The following DNMBP variants were observed in gnomAD, a reference collection of about 807,000 sequenced individuals.
The protein encoded by DNMBP is dynamin-binding protein.
Under a neutral mutation model 150.0 loss-of-function variants are expected in DNMBP, and 87 were observed. That is an observed-to-expected ratio of 0.58 (90% CI 0.49 to 0.69). DNMBP has a LOEUF of 0.69. Among genes scored for constraint, DNMBP ranks in the 30% least tolerant of loss-of-function variants. The pLI, the probability that DNMBP is intolerant of heterozygous loss-of-function variation, is 0.00. For synonymous variants in DNMBP, 711 were observed against 750.4 expected (o/e 0.95, Z 0.86); for missense variants, 1,774 against 1,949.0 (o/e 0.91, Z 1.69).
intron 3 of DNMBP, among the ~76,000 whole-genome samples, chr10:99,961,613 T>A (rs1392183630): frequency 3.9e-5 from 6 of 151,916 alleles, no homozygotes; most frequent in African/African-American, 1.2e-4. Flanking sequence ...ATTCCCACCA[T>A]CTCACCCTTT....
intron 4 of DNMBP, among the ~76,000 whole-genome samples, chr10:99,951,029 C>T (rs1049453094): frequency 9.9e-5 from 15 of 152,184 alleles, no homozygotes; most frequent in African/African-American, 3.6e-4. Flanking sequence ...CTGGGCTGTG[C>T]CCAGGATCAC....
Position 99,909,001 on chromosome 10 carries a change from A to G in DNMBP, c.2406T>C (p.Asp802=). ...TGATCCGCTCAATACACATTTCCAG[A>G]TCCCGAATGTAGTCTCTTTCTGTCT... The part of the protein sequence containing the change: ...LLQTERDYIR[D]LEMCIERIMV... The change falls in exon 5 of 17, where the codon GAT becomes GAC. Residue 802 remains aspartate (D), a synonymous_variant. Coordinates refer to ENST00000324109, the MANE Select transcript of DNMBP (RefSeq NM_015221.4). 1 of 1,614,142 alleles carries G rather than the reference A, an allele frequency of 6.2e-7. No individual in the cohort carries two copies. Among genetic ancestry groups the G allele is most frequent in the South Asian group, 1.1e-5 (1 of 91,086 alleles).
At chr10:99,963,036 T>G (rs1265382214) in intron 3 of DNMBP, among the ~76,000 whole-genome samples, 1 of 152,226 alleles carries the variant, frequency 6.6e-6, no homozygotes, top group Non-Finnish European at 1.5e-5. Flanking sequence ...AGAGATTATT[T>G]AGTTCAATAC....
In DNMBP at chr10:99,956,011, C is replaced by T. The variant is rs2040487964; in HGVS notation, c.1463G>A (p.Arg488Lys). 1 of 1,614,048 alleles carries T rather than the reference C, an allele frequency of 6.2e-7. No individual in the cohort carries two copies. Among genetic ancestry groups the T allele is most frequent in the South Asian group, 1.1e-5 (1 of 91,080 alleles). Residue 488 changes from arginine to lysine, a missense_variant, in exon 4 of 17, where the codon AGG becomes AAG. By Grantham distance (26) the Arg-to-Lys change is conservative. Around this residue, in one of 2 missense-constraint regions of DNMBP, gnomAD observed 1,430 missense variants for 1,492.5 expected, o/e 0.96. Coordinates refer to ENST00000324109, the MANE Select transcript of DNMBP (RefSeq NM_015221.4). ...LYRGSSVSAS[R>K]VVKPRQSSPQ... ...ACTTGATTGTCTGGGTTTGACTACC[C>T]TTGAAGCTGAAACAGAAGAGCCCCT...
At chr10:99,910,695 G>A (rs188606310) in intron 4 of DNMBP, among the ~76,000 whole-genome samples, 4 of 152,342 alleles carry the variant, frequency 2.6e-5, no homozygotes, top group Admixed American at 1.3e-4. Flanking sequence ...GGGAGAAAGT[G>A]AAGAAGTACT....
intron 4 of DNMBP, among the ~76,000 whole-genome samples, chr10:99,921,611 C>T (rs1051230717): frequency 4.1e-5 from 6 of 148,140 alleles, no homozygotes; most frequent in Admixed American, 2.1e-4. Flanking sequence ...CTCAGCACTT[C>T]GGGAGGCTGA....
chr10:99,955,550 A>G lies in DNMBP; in HGVS notation c.1924T>C (p.Ser642Pro). Reference protein sequence around the residue: ...KPAPPLVVRPSRPAPLPPSAQ... With the variant: ...KPAPPLVVRPPRPAPLPPSAQ... ...GAGGGAGGCAGGGGAGCTGGGCGAG[A>G]GGGTCGCACCACCAAGGGTGGTGCA... Residue 642 changes from serine (S) to proline (P), a missense_variant, in exon 4 of 17, where the codon TCT becomes CCT. Ser to Pro is a moderately conservative substitution (Grantham distance 74). This residue lies in a region of DNMBP where 1,430 missense variants were observed against 1,492.5 expected (regional missense o/e 0.96). Transcript: ENST00000324109. 3 of 1,599,130 alleles carry G rather than the reference A, an allele frequency of 1.9e-6. No homozygotes were observed. The highest frequency in any genetic ancestry group is 2.6e-6 in the Non-Finnish European group (3 of 1,173,200).
intron 15 of DNMBP, among the ~76,000 whole-genome samples, chr10:99,881,923 A>G (rs975526145): frequency 1.3e-5 from 2 of 152,196 alleles, no homozygotes; most frequent in Non-Finnish European, 2.9e-5. Context: ...GCTTAGGGCC[A>G]GATATGTTTT....
intron 4 of DNMBP, among the ~76,000 whole-genome samples, chr10:99,947,303 A>C (rs904198207): frequency 2.6e-5 from 4 of 152,356 alleles, no homozygotes; most frequent in Non-Finnish European, 5.9e-5. Context: ...AAGACATGAA[A>C]TCAACTTAGG....
In DNMBP at chr10:99,959,615, G is replaced by A. The variant is rs57728573; in HGVS notation, c.269-2410C>T. On this transcript the variant is annotated intron_variant, in intron 3 of 16. Transcript: ENST00000324109. ...CACCTGTAATTCCAGCACTTTGGGA[G>A]GCTGAGGTAGAAGGATTGCTGGAGC... 8.0e-3 allele frequency among the ~76,000 whole-genome samples: 1,223 copies of A among 152,242 alleles called. 19 individuals carry two copies. Among genetic ancestry groups the A allele is most frequent in the African/African-American group, 0.028 (1,170 of 41,536 alleles).
In DNMBP at chr10:99,999,971, A is replaced by G. The variant is rs534489689; in HGVS notation, c.-11+9867T>C. Among the ~76,000 whole-genome samples, 228 of 152,298 alleles carry G rather than the reference A, an allele frequency of 1.5e-3. 2 individuals carry two copies. Among genetic ancestry groups the G allele is most frequent in the Admixed American group, 1.8e-3 (27 of 15,300 alleles). ...TGAGCCAAGCAATGGCCTCTACAGG[A>G]TAGACTGGGTGTGTGACACTGGCCT... On this transcript the variant is annotated intron_variant, in intron 1 of 16. Coordinates refer to ENST00000324109, the MANE Select transcript of DNMBP (RefSeq NM_015221.4).
chr10:99,991,549 G>A (rs561877598), intron 1 of DNMBP, among the ~76,000 whole-genome samples: 87 of 150,984 alleles, frequency 5.8e-4, no homozygotes, highest in African/African-American at 2.0e-3. Context: ...TGGCTTCCTA[G>A]TACAATGTTT....
At chr10:99,961,261 CTTTTTCTT>C (rs1393461602) in intron 3 of DNMBP, among the ~76,000 whole-genome samples, 1 of 132,282 alleles carries the variant, frequency 7.6e-6, no homozygotes, top group Non-Finnish European at 1.6e-5. Context: ...TATTTCTTCC[CTTTTTCTT>C]TTTTTTTTTT....
intron 4 of DNMBP, among the ~76,000 whole-genome samples, chr10:99,910,805 A>G (rs1234302429): frequency 1.3e-5 from 2 of 152,246 alleles, no homozygotes; most frequent in Admixed American, 6.5e-5. Flanking sequence ...AAAAAGCACA[A>G]TGGATTATTC....
At chr10:99,949,604 A>T (rs1047216097) in intron 4 of DNMBP, among the ~76,000 whole-genome samples, 3 of 152,196 alleles carry the variant, frequency 2.0e-5, no homozygotes, top group Non-Finnish European at 4.4e-5. Context: ...TATTATCAAA[A>T]CACCTTTTGA....
Position 99,880,246 on chromosome 10 carries a change from G to A in DNMBP, c.4113C>T (p.Ser1371=), listed in dbSNP as rs750496983. ...SSTESEHGSS[S]PRFPRQNSGS... ...CGCTGTTCTGGCGTGGGAACCTGGGGGAGGAGCTGCCGTGCTCAGACTCTG... is the reference window on the plus strand; with the variant it reads ...CGCTGTTCTGGCGTGGGAACCTGGGAGAGGAGCTGCCGTGCTCAGACTCTG... Residue 1371 remains serine, a synonymous_variant, in exon 16 of 17, where the codon TCC becomes TCT. Coordinates refer to ENST00000324109, the MANE Select transcript of DNMBP (RefSeq NM_015221.4). 1.2e-6 allele frequency: 2 copies of A among 1,614,032 alleles called. No homozygotes were observed. The highest frequency in any genetic ancestry group is 1.1e-5 in the South Asian group (1 of 91,090).
At chr10:99,883,392 G>A (rs770088750) in intron 15 of DNMBP, among the ~76,000 whole-genome samples, 9 of 151,986 alleles carry the variant, frequency 5.9e-5, no homozygotes, top group Admixed American at 2.0e-4. Flanking sequence ...TGCTGGGTGC[G>A]GTGGCTCACA....
At chr10:99,878,913 G>A (rs898577450) in intron 16 of DNMBP, among the ~76,000 whole-genome samples, 4 of 151,712 alleles carry the variant, frequency 2.6e-5, no homozygotes, top group Non-Finnish European at 5.9e-5. Flanking sequence ...GCGAGGTCAG[G>A]AGATCGAGAC....
chr10:99,928,688 G>A (rs2040110146), intron 4 of DNMBP, among the ~76,000 whole-genome samples: 3 of 152,180 alleles, frequency 2.0e-5, no homozygotes. Context: ...TGATTTGAAA[G>A]CTAGAAATAA....
Sources: allele counts gnomAD v4.1 joint callset (sites outside exome capture counted in the v4.1 genomes callset), GRCh38; gene constraint gnomAD v4.1.1; regional missense constraint gnomAD v4.1.1; transcripts MANE v1.5; gene names NCBI Gene and HGNC (gene_info 2026-07-23, HGNC 2026-07-21).